ZSWIM6: variants seen among roughly 807,000 people sequenced by gnomAD.
ZSWIM6 encodes zinc finger SWIM-type containing 6, also known as zinc finger SWIM domain-containing protein 6.
Under a neutral mutation model 113.2 loss-of-function variants are expected in ZSWIM6, and 9 were observed. That is an observed-to-expected ratio of 0.08 (90% CI 0.05 to 0.14). The LOEUF (loss-of-function observed/expected upper bound fraction) is 0.14. Among genes scored for constraint, ZSWIM6 ranks in the 10% least tolerant of loss-of-function variants. ZSWIM6 has a pLI of 1.00. For missense variants in ZSWIM6, 1,162 were observed against 1,552.2 expected, an observed-to-expected ratio of 0.75 and a Z score of 4.22; for synonymous variants, 611 against 606.5, an observed-to-expected ratio of 1.01 and a Z score of -0.11.
intron 1 of ZSWIM6, among the ~76,000 whole-genome samples, chr5:61,376,457 C>T (rs938690947): frequency 1.3e-5 from 2 of 150,064 alleles, no homozygotes; most frequent in Non-Finnish European, 3.0e-5. Flanking sequence ...GAGCTGGCTA[C>T]CAGCAGTCTT....
chr5:61,526,229 C>T (rs1443389437), intron 6 of ZSWIM6, 21 bp from the exon 7 acceptor site: 3 of 1,534,192 alleles, frequency 2.0e-6, no homozygotes, highest in African/African-American at 2.8e-5. Context: ...GCAACTTTAC[C>T]CCCTTGACTT....
At chr5:61,536,925 A>T (rs937536409) in intron 10 of ZSWIM6, among the ~76,000 whole-genome samples, 1 of 152,212 alleles carries the variant, frequency 6.6e-6, no homozygotes, top group Non-Finnish European at 1.5e-5. Flanking sequence ...CACTTGGTTT[A>T]TGTTTTAGAG....
chr5:61,332,788 C>T lies in ZSWIM6; in HGVS notation c.516C>T (p.Ala172=), dbSNP rs1455523258. 18 of 814,272 alleles carry T rather than the reference C, an allele frequency of 2.2e-5. No homozygotes were observed. The highest frequency in any genetic ancestry group is 2.6e-5 in the Non-Finnish European group (18 of 686,278). The allele number at this position is 814,272 out of a possible 1,614,324, so 50.4% of individuals were successfully genotyped here. ...TSAAATSAAA[A]AAAAAAAAAA... ...CGGCCGCAACCTCGGCCGCCGCCGC[C>T]GCTGCCGCCGCCGCCGCCGCCGCCG... Residue 172 remains alanine (A), a synonymous_variant, in exon 1 of 14, where the codon GCC becomes GCT. Transcript: ENST00000252744.
At chr5:61,335,378 A>G (rs1392447674) in intron 1 of ZSWIM6, among the ~76,000 whole-genome samples, 1 of 152,186 alleles carries the variant, frequency 6.6e-6, no homozygotes, top group East Asian at 1.9e-4. Flanking sequence ...AGCTTTAGAG[A>G]TGGAAGGCTG....
intron 1 of ZSWIM6, among the ~76,000 whole-genome samples, chr5:61,433,235 A>G (rs1163811388): frequency 6.6e-6 from 1 of 152,146 alleles, no homozygotes; most frequent in Non-Finnish European, 1.5e-5. Context: ...AAATTTCTAT[A>G]TTAATTTATA....
At chr5:61,473,827 A>C (rs888624047) in intron 2 of ZSWIM6, among the ~76,000 whole-genome samples, 2 of 152,188 alleles carry the variant, frequency 1.3e-5, no homozygotes, top group Admixed American at 1.3e-4. Flanking sequence ...CTAACGTTAC[A>C]TTTCTTTATT....
chr5:61,470,078 C>T lies in ZSWIM6; in HGVS notation c.677-2603C>T, dbSNP rs560355453. 5.3e-5 allele frequency among the ~76,000 whole-genome samples: 8 copies of T among 152,246 alleles called. No homozygotes were observed. In the South Asian group the frequency reaches 1.0e-3, roughly 20 times the overall value. ...ACTCTTTAAATACTAACTGGTTTAA[C>T]GCTTGGATCCTTAATTGTCTTGGCT... On this transcript the variant is annotated intron_variant, in intron 1 of 13. Coordinates refer to ENST00000252744, the MANE Select transcript of ZSWIM6 (RefSeq NM_020928.2).
chr5:61,438,558 A>G (rs1380864078), intron 1 of ZSWIM6, among the ~76,000 whole-genome samples: 1 of 152,226 alleles, frequency 6.6e-6, no homozygotes, highest in African/African-American at 2.4e-5. Flanking sequence ...ATGTTCTTCA[A>G]AGAGAATAAT....
intron 1 of ZSWIM6, among the ~76,000 whole-genome samples, chr5:61,370,265 T>G (rs1745238881): frequency 6.6e-6 from 1 of 152,214 alleles, no homozygotes; most frequent in Non-Finnish European, 1.5e-5. Context: ...ATTTAAAAGC[T>G]GTATAAAAAT....
At chr5:61,348,226 C>A (rs1374886255) in intron 1 of ZSWIM6, among the ~76,000 whole-genome samples, 2 of 151,738 alleles carry the variant, frequency 1.3e-5, no homozygotes, top group Non-Finnish European at 2.9e-5. Flanking sequence ...CTCAAAAAAA[C>A]AAAAAACAAA....
At chr5:61,404,303 AT>A (rs1201078918) in intron 1 of ZSWIM6, among the ~76,000 whole-genome samples, 1 of 152,152 alleles carries the variant, frequency 6.6e-6, no homozygotes, top group African/African-American at 2.4e-5. Flanking sequence ...AAATGATTGC[AT>A]TTTTTCCCCT....
intron 1 of ZSWIM6, among the ~76,000 whole-genome samples, chr5:61,387,933 T>G (rs2112088329): frequency 6.8e-6 from 1 of 147,362 alleles, no homozygotes; most frequent in Non-Finnish European, 1.5e-5. Flanking sequence ...AAAAGCACTT[T>G]CCTACTACCT....
intron 2 of ZSWIM6, among the ~76,000 whole-genome samples, chr5:61,487,397 A>G (rs942974899): frequency 6.6e-6 from 1 of 151,942 alleles, no homozygotes; most frequent in African/African-American, 2.4e-5. Context: ...TTGGTTCCAT[A>G]TGAATTTTAG....
chr5:61,479,771 G>A (rs947125965), intron 2 of ZSWIM6, among the ~76,000 whole-genome samples: 2 of 152,116 alleles, frequency 1.3e-5, no homozygotes, highest in Non-Finnish European at 2.9e-5. Flanking sequence ...TGTAAAATGT[G>A]GACAATGAAG....
At position 61,332,905 on chromosome 5, in the gene ZSWIM6, C is replaced by A; in HGVS notation, c.633C>A (p.Ile211=). Residue 211 remains isoleucine, a synonymous_variant, in exon 1 of 14, where the codon ATC becomes ATA. Transcript: ENST00000252744. The stretch of plus-strand genomic sequence containing the variant: ...CGCGGCTGCCTTTCCGCCGGGGCAT[C>A]GCGCTGTTGGAAAGCGGCTGCGTAG... ...DETRLPFRRG[I]ALLESGCVDN... 7.4e-7 allele frequency: 1 copy of A among 1,352,540 alleles called. No individual in the cohort carries two copies. The highest frequency in any genetic ancestry group is 9.6e-7 in the Non-Finnish European group (1 of 1,039,784). 83.8% of individuals were successfully genotyped at this position (1,352,540 alleles called of 1,614,324 possible).
At chr5:61,380,457 TAACTC>T (rs536245557) in intron 1 of ZSWIM6, among the ~76,000 whole-genome samples, 107 of 152,348 alleles carry the variant, frequency 7.0e-4, no homozygotes, top group African/African-American at 2.5e-3. Flanking sequence ...TTGCTAAACT[TAACTC>T]TAATTTTTGC....
At chr5:61,494,037 A>T (rs1748253987) in intron 3 of ZSWIM6, among the ~76,000 whole-genome samples, 1 of 151,988 alleles carries the variant, frequency 6.6e-6, no homozygotes, top group Non-Finnish European at 1.5e-5. Flanking sequence ...ATTGCTATTT[A>T]GGGTAGGGAG....
chr5:61,361,045 T>C (rs983468928), intron 1 of ZSWIM6, among the ~76,000 whole-genome samples: 1 of 152,138 alleles, frequency 6.6e-6, no homozygotes, highest in African/African-American at 2.4e-5. Context: ...TCTTGTGGTC[T>C]TTTTCCTTGT....
At chr5:61,338,036 A>T (rs138680248) in intron 1 of ZSWIM6, among the ~76,000 whole-genome samples, 32 of 152,210 alleles carry the variant, frequency 2.1e-4, no homozygotes, top group African/African-American at 7.2e-4. Flanking sequence ...TTTAAAAGGA[A>T]TGGCCTTTTA....
Sources: allele counts gnomAD v4.1 joint callset (sites outside exome capture counted in the v4.1 genomes callset), GRCh38; gene constraint gnomAD v4.1.1; transcripts MANE v1.5; gene names NCBI Gene and HGNC (gene_info 2026-07-23, HGNC 2026-07-21).